Variants in HCFC2 observed in about 807,000 individuals in gnomAD.
The protein encoded by HCFC2 is host cell factor 2.
Under a neutral mutation model 89.2 loss-of-function variants are expected in HCFC2, and 18 were observed. That is an observed-to-expected ratio of 0.20 (90% confidence interval 0.14 to 0.30). The LOEUF (loss-of-function observed/expected upper bound fraction) is 0.30. Among genes scored for constraint, HCFC2 ranks in the 10% least tolerant of loss-of-function variants. The pLI is 1.00. For synonymous variants in HCFC2, 308 were observed against 335.7 expected (o/e 0.92, Z 0.90); for missense variants, 578 against 956.1 (o/e 0.60, Z 5.21).
chr12:104,093,610 G>A (rs1884092110), intron 10 of HCFC2, 47 bp downstream of exon 10: 1 of 1,474,758 alleles, frequency 6.8e-7, no homozygotes, highest in Non-Finnish European at 9.3e-7. Flanking sequence ...AAATCGGTGG[G>A]GAATTTAATA....
chr12:104,070,866 G>A (rs1415298257), intron 3 of HCFC2, among the ~76,000 whole-genome samples: 1 of 147,690 alleles, frequency 6.8e-6, no homozygotes, highest in Non-Finnish European at 1.5e-5. Context: ...GTATAGTGGC[G>A]CGATCTCAGC....
chr12:104,101,120 A>G (rs911206010), intron 13 of HCFC2, among the ~76,000 whole-genome samples: 1 of 152,224 alleles, frequency 6.6e-6, no homozygotes, highest in Admixed American at 6.5e-5. Context: ...AAATGTTATT[A>G]TCTTCCTACC....
chr12:104,095,128 C>T lies in HCFC2; in HGVS notation c.1463-232C>T, dbSNP rs17193064. 0.04 allele frequency among the ~76,000 whole-genome samples: 6,016 copies of T among 152,086 alleles called. 144 individuals are homozygous for T. The highest frequency in any genetic ancestry group is 0.057 in the Non-Finnish European group (3,877 of 67,972). ...TAGTGGAAAGTCAAGAACAATGGTT[C>T]GGTGTTTAGAATGAACGAGGAAGGT... On this transcript the variant is annotated intron_variant, in intron 10 of 14. Coordinates refer to ENST00000229330, the MANE Select transcript of HCFC2 (RefSeq NM_013320.3). The surrounding 1 kb of genome is among the most constrained non-coding windows in gnomAD (Gnocchi z 4.2).
intron 12 of HCFC2, among the ~76,000 whole-genome samples, chr12:104,096,731 A>G (rs1884189051): frequency 6.6e-6 from 1 of 152,322 alleles, no homozygotes; most frequent in African/African-American, 2.4e-5. Flanking sequence ...GTGGGGGGCC[A>G]CAGATACTTT....
chr12:104,098,935 G>A (rs537982635), intron 13 of HCFC2, among the ~76,000 whole-genome samples: 2 of 152,202 alleles, frequency 1.3e-5, no homozygotes, highest in East Asian at 3.9e-4. Context: ...GGGAGGTGGA[G>A]CTTGCAGTGA....
chr12:104,085,570 T>C (rs543286889), intron 7 of HCFC2, among the ~76,000 whole-genome samples: 2 of 152,318 alleles, frequency 1.3e-5, no homozygotes, highest in Non-Finnish European at 2.9e-5. Context: ...ATAAACCTTT[T>C]CATAATGAGC....
chr12:104,098,562 A>G lies in HCFC2; in HGVS notation c.1878+82A>G, dbSNP rs562903220. On this transcript the variant is annotated intron_variant, in intron 13 of 14. Coordinates refer to ENST00000229330, the MANE Select transcript of HCFC2 (RefSeq NM_013320.3). ...TCTCTACCAATAACTTAGGGAAAGGAAAAAAAAATTAAGAATGAGATTTCT... is the reference window on the plus strand; with the variant it reads ...TCTCTACCAATAACTTAGGGAAAGGGAAAAAAAATTAAGAATGAGATTTCT... 3.6e-4 allele frequency: 459 copies of G among 1,280,086 alleles called. 8 individuals carry two copies. The South Asian group carries it at 7.2e-3, about 20-fold the overall frequency. The allele number at this position is 1,280,086 out of a possible 1,614,324, so 79.3% of individuals were successfully genotyped here.
At chr12:104,086,255 A>G (rs1179506735) in intron 7 of HCFC2, among the ~76,000 whole-genome samples, 4 of 152,262 alleles carry the variant, frequency 2.6e-5, no homozygotes, top group Admixed American at 2.6e-4. Flanking sequence ...GTGAACCACC[A>G]TGCCCAGCTG....
intron 7 of HCFC2, among the ~76,000 whole-genome samples, chr12:104,086,345 C>T (rs1338115012): frequency 3.9e-5 from 6 of 152,042 alleles, no homozygotes; most frequent in Admixed American, 3.9e-4. Flanking sequence ...GTTATCTTTG[C>T]TAACATTAAC....
chr12:104,067,836 C>T, intron 2 of HCFC2, 111 bp from the exon 3 acceptor site: 5 of 1,029,652 alleles, frequency 4.9e-6, no homozygotes, highest in Non-Finnish European at 6.6e-6. Flanking sequence ...TTTTTTAGTG[C>T]CTTCTGATGG....
intron 10 of HCFC2, among the ~76,000 whole-genome samples, chr12:104,094,597 A>G (rs556463363): frequency 3.3e-5 from 5 of 152,286 alleles, no homozygotes; most frequent in African/African-American, 4.8e-5. Flanking sequence ...AAGTCAAGTA[A>G]ATGAAAATTG....
intron 9 of HCFC2, among the ~76,000 whole-genome samples, chr12:104,090,312 A>G (rs1883987661): frequency 6.6e-6 from 1 of 152,152 alleles, no homozygotes. Context: ...GTGTGATGCC[A>G]TTTGGATTCC....
intron 12 of HCFC2, among the ~76,000 whole-genome samples, chr12:104,096,911 G>A (rs1388075273): frequency 1.3e-5 from 2 of 152,084 alleles, no homozygotes; most frequent in Non-Finnish European, 2.9e-5. Context: ...TGGCTGTATT[G>A]CTAGCTGCTT....
At chr12:104,075,306 T>C (rs934215073) in intron 3 of HCFC2, among the ~76,000 whole-genome samples, 1 of 152,124 alleles carries the variant, frequency 6.6e-6, no homozygotes. Context: ...TCCTAAATAT[T>C]AGTTTTGTCT....
rs1372715099 is a variant in HCFC2 at position 104,064,548 on chromosome 12, G to C, written c.-13G>C. The C allele has an allele frequency of 1.3e-6, 2 of 1,493,144 alleles. No individual in the cohort carries two copies. Among genetic ancestry groups the C allele is most frequent in the Non-Finnish European group, 1.8e-6 (2 of 1,120,046 alleles). 92.5% of individuals were successfully genotyped at this position (1,493,144 alleles called of 1,614,324 possible). ...AGCGGTGCATTGTGGGCAGAGGGGC[G>C]GGGGTTGGGAAGATGGCGGCTCCCA... On this transcript the variant is annotated 5_prime_UTR_variant, in exon 1 of 15. Coordinates refer to ENST00000229330, the MANE Select transcript of HCFC2 (RefSeq NM_013320.3). The surrounding 1 kb of genome is among the most constrained non-coding windows in gnomAD (Gnocchi z 7.3).
At chr12:104,080,973 A>G in intron 5 of HCFC2, 143 bp downstream of exon 5, 1 of 548,124 alleles carries the variant, frequency 1.8e-6, no homozygotes, top group Non-Finnish European at 3.2e-6. Flanking sequence ...AGCTAAAATA[A>G]TTTGTCTGTA....
chr12:104,072,852 G>A (rs1223592847), intron 3 of HCFC2, among the ~76,000 whole-genome samples: 1 of 151,836 alleles, frequency 6.6e-6, no homozygotes, highest in African/African-American at 2.4e-5. Context: ...CACCATGTTA[G>A]CCAGGATGGT....
chr12:104,077,792 C>T (rs1455800379), intron 3 of HCFC2, among the ~76,000 whole-genome samples: 1 of 151,852 alleles, frequency 6.6e-6, no homozygotes, highest in Non-Finnish European at 1.5e-5. Flanking sequence ...TTTAAACATT[C>T]TTTTGCCTAC....
chr12:104,090,053 G>A (rs1883981758), intron 9 of HCFC2, among the ~76,000 whole-genome samples: 1 of 151,936 alleles, frequency 6.6e-6, no homozygotes, highest in African/African-American at 2.4e-5. Flanking sequence ...TCTTTCCTGT[G>A]TTACAGCCCA....
Sources: gnomAD v4.1 joint callset for allele counts (sites outside exome capture counted in the v4.1 genomes callset) on GRCh38, gnomAD v4.1.1 for gene constraint, Gnocchi (gnomAD v3.1) non-coding constraint, MANE v1.5 for transcripts, NCBI Gene and HGNC (gene_info 2026-07-23, HGNC 2026-07-21) for gene names.